FUT9: variants seen among roughly 807,000 people sequenced by gnomAD.
FUT9 encodes 4-galactosyl-N-acetylglucosaminide 3-alpha-L-fucosyltransferase 9.
FUT9 carries 15 observed loss-of-function variants against 29.7 expected under a neutral mutation model. The observed-to-expected ratio is 0.51, with a 90% CI of 0.34 to 0.78. The LOEUF (loss-of-function observed/expected upper bound fraction) is 0.78, where lower values mean the gene tolerates loss of function less well. Ranked by LOEUF, FUT9 falls within the 30% of genes least tolerant of loss-of-function variation. The probability of loss-of-function intolerance (pLI) is 0.01; values close to 1 mark genes in which losing one functional copy is unlikely to be tolerated. For synonymous variants in FUT9, 169 were observed against 153.7 expected (o/e 1.10, Z -0.74); for missense variants, 319 against 425.4 (o/e 0.75, Z 2.20).
chr6:96,099,997 G>T (rs1004124145), intron 1 of FUT9, among the ~76,000 whole-genome samples: 1 of 152,052 alleles, frequency 6.6e-6, no homozygotes, highest in African/African-American at 2.4e-5. Context: ...TTTTGCAAAT[G>T]CTAACATTGG....
rs141855942 is a variant in FUT9, at chr6:96,193,938, C to T, written c.-8-9210C>T. Among the ~76,000 whole-genome samples, 475 of 152,176 alleles carry T rather than the reference C, an allele frequency of 3.1e-3. 1 individual carries two copies. The highest frequency in any genetic ancestry group is 0.01 in the African/African-American group (418 of 41,548). On this transcript the variant is annotated intron_variant, in intron 2 of 2. Transcript: ENST00000302103. Reference sequence around the variant, plus strand: ...TGAAGTTGGAAACCATCATTCTCAGCGAACTATCGCAAGGGCGAAAAACCA... The same window carrying T: ...TGAAGTTGGAAACCATCATTCTCAGTGAACTATCGCAAGGGCGAAAAACCA...
chr6:96,066,331 G>A (rs1770960996), intron 1 of FUT9, among the ~76,000 whole-genome samples: 4 of 105,960 alleles, frequency 3.8e-5, no homozygotes, highest in Non-Finnish European at 8.4e-5. Context: ...ATATAGGATA[G>A]AAATTTAAAT....
intron 1 of FUT9, among the ~76,000 whole-genome samples, chr6:96,078,410 T>TTC (rs1771177672): frequency 1.4e-5 from 1 of 69,166 alleles, no homozygotes; most frequent in Non-Finnish European, 3.2e-5. Flanking sequence ...TTAGTCTTCT[T>TTC]TTTTTTTTTT....
chr6:96,136,676 T>A (rs1449113623), intron 2 of FUT9, among the ~76,000 whole-genome samples: 1 of 151,980 alleles, frequency 6.6e-6, no homozygotes, highest in Non-Finnish European at 1.5e-5. Flanking sequence ...TTGTATGTTA[T>A]CACAATGCTT....
chr6:96,056,037 A>G (rs1202537554), intron 1 of FUT9, among the ~76,000 whole-genome samples: 1 of 151,994 alleles, frequency 6.6e-6, no homozygotes, highest in Non-Finnish European at 1.5e-5. Context: ...TTCTATTTCT[A>G]TCTAGCTTAA....
At chr6:96,143,223 T>C (rs1221022313) in intron 2 of FUT9, among the ~76,000 whole-genome samples, 1 of 152,192 alleles carries the variant, frequency 6.6e-6, no homozygotes, top group African/African-American at 2.4e-5. Context: ...CCTCACCCCT[T>C]TCTGCCATGT....
Position 96,211,245 on chromosome 6 carries a change from C to A in FUT9, c.*7010C>A, listed in dbSNP as rs1270083267. 1.2e-5 allele frequency: 2 copies of A among 166,572 alleles called. No homozygotes were observed. The highest frequency in any genetic ancestry group is 2.4e-5 in the African/African-American group (1 of 41,394). 10.3% of individuals were successfully genotyped at this position (166,572 alleles called of 1,614,324 possible). On this transcript the variant is annotated 3_prime_UTR_variant, in exon 3 of 3. Coordinates refer to ENST00000302103, the MANE Select transcript of FUT9 (RefSeq NM_006581.4). Reference sequence around the variant, plus strand: ...TTGTTTGCATTACTAAATATATATACCATTTCTTAAGATAATTGGAACTCA... The same window carrying A: ...TTGTTTGCATTACTAAATATATATAACATTTCTTAAGATAATTGGAACTCA...
At chr6:96,103,612 T>C (rs1771627020) in intron 1 of FUT9, among the ~76,000 whole-genome samples, 1 of 152,188 alleles carries the variant, frequency 6.6e-6, no homozygotes, top group Non-Finnish European at 1.5e-5. Flanking sequence ...AGCAAGTTTC[T>C]TGGTTTGTGG....
intron 1 of FUT9, among the ~76,000 whole-genome samples, chr6:96,104,645 C>T (rs1337297736): frequency 6.6e-6 from 1 of 152,186 alleles, no homozygotes; most frequent in African/African-American, 2.4e-5. Context: ...ATTCTCCTGC[C>T]TCAGCCTCCC....
At chr6:96,032,356 T>C (rs553692635) in intron 1 of FUT9, among the ~76,000 whole-genome samples, 2 of 151,466 alleles carry the variant, frequency 1.3e-5, no homozygotes, top group African/African-American at 4.8e-5. Context: ...TTTATGAATG[T>C]TGTTGTTTAA....
At chr6:96,103,912 T>C (rs1174457554) in intron 1 of FUT9, among the ~76,000 whole-genome samples, 1 of 152,200 alleles carries the variant, frequency 6.6e-6, no homozygotes, top group Admixed American at 6.5e-5. Flanking sequence ...GCAAATGATG[T>C]ATTTCCCAAT....
chr6:96,187,968 A>G (rs1773434484), intron 2 of FUT9, among the ~76,000 whole-genome samples: 2 of 152,070 alleles, frequency 1.3e-5, no homozygotes, highest in Admixed American at 1.3e-4. Context: ...TGCATCATTA[A>G]TCCTTGATGT....
At chr6:96,128,704 A>T (rs2127968011) in intron 2 of FUT9, among the ~76,000 whole-genome samples, 1 of 152,338 alleles carries the variant, frequency 6.6e-6, no homozygotes. Flanking sequence ...AGAATGACAA[A>T]GTATTAAAAA....
chr6:96,035,901 T>C, intron 1 of FUT9, among the ~76,000 whole-genome samples: 1 of 94,764 alleles, frequency 1.1e-5, no homozygotes, highest in South Asian at 3.0e-4. Context: ...TATATTAATA[T>C]AATATAATAC....
rs901184207 is a variant in FUT9 at position 96,208,521 on chromosome 6, G to T, written c.*4286G>T. ...AATAAATACATGAATGTGATAAGTG[G>T]TCCTGTAAAATATTTTTTAAGAGTA... On this transcript the variant is annotated 3_prime_UTR_variant, in exon 3 of 3. Transcript: ENST00000302103. 2 of 166,738 alleles carry T rather than the reference G, an allele frequency of 1.2e-5. No homozygotes were observed. The highest frequency in any genetic ancestry group is 2.4e-5 in the African/African-American group (1 of 41,380). The allele number at this position is 166,738 out of a possible 1,614,324, so 10.3% of individuals were successfully genotyped here.
intron 2 of FUT9, among the ~76,000 whole-genome samples, chr6:96,133,762 G>A (rs973895661): frequency 2.6e-5 from 4 of 151,870 alleles, no homozygotes; most frequent in African/African-American, 9.7e-5. Flanking sequence ...TGTTTTGCAT[G>A]TTTGTATAGT....
chr6:96,182,332 G>T (rs1435853102), intron 2 of FUT9, among the ~76,000 whole-genome samples: 1 of 152,028 alleles, frequency 6.6e-6, no homozygotes, highest in African/African-American at 2.4e-5. Context: ...TCCTTTGTCA[G>T]ATGTATAGAT....
At chr6:96,123,015 G>A (rs1435425545) in intron 2 of FUT9, among the ~76,000 whole-genome samples, 1 of 128,332 alleles carries the variant, frequency 7.8e-6, no homozygotes, top group African/African-American at 3.0e-5. Context: ...AGCCGAGATC[G>A]CGCCAATCCG....
In FUT9 at chr6:96,205,170, T is replaced by C. The variant is rs1773805030; in HGVS notation, c.*935T>C. ...CCTAATATTTAAAATGGTCTTATTT[T>C]ACCATATGGATATAAGATTTGGCTC... On this transcript the variant is annotated 3_prime_UTR_variant, in exon 3 of 3. Transcript: ENST00000302103. 6.0e-6 allele frequency: 1 copy of C among 167,014 alleles called. No homozygotes were observed. The highest frequency in any genetic ancestry group is 6.5e-5 in the Admixed American group (1 of 15,272). 10.3% of individuals were successfully genotyped at this position (167,014 alleles called of 1,614,324 possible).
Sources: allele counts gnomAD v4.1 joint callset (sites outside exome capture counted in the v4.1 genomes callset), GRCh38; gene constraint gnomAD v4.1.1; transcripts MANE v1.5; gene names NCBI Gene and HGNC (gene_info 2026-07-23, HGNC 2026-07-21).